The following RALB variants were observed in gnomAD, a reference collection of about 807,000 sequenced individuals.
RALB encodes the protein ras-related protein Ral-B.
RALB carries 16 observed loss-of-function variants against 21.3 expected under a neutral mutation model. That is an observed-to-expected ratio of 0.75 (90% CI 0.51 to 1.14). RALB has a LOEUF of 1.14. RALB is among the 50% of genes most tolerant of loss of function. RALB has a pLI of 0.00. For synonymous variants in RALB, 93 were observed against 96.1 expected (o/e 0.97, Z 0.19); for missense variants, 161 against 256.2 (o/e 0.63, Z 2.54).
At chr2:120,291,181 G>A (rs1470778680) in intron 4 of RALB, among the ~76,000 whole-genome samples, 2 of 152,072 alleles carry the variant, frequency 1.3e-5, no homozygotes, top group African/African-American at 4.8e-5. Context: ...TGTATGTATC[G>A]TACATAAAAA....
chr2:120,271,225 A>G (rs1174255390), intron 1 of RALB, among the ~76,000 whole-genome samples: 1 of 152,130 alleles, frequency 6.6e-6, no homozygotes, highest in East Asian at 1.9e-4. Flanking sequence ...CCTAACATGT[A>G]TGGTTTTATG....
intron 1 of RALB, among the ~76,000 whole-genome samples, chr2:120,264,075 C>T (rs1281262099): frequency 2.6e-5 from 4 of 151,928 alleles, no homozygotes; most frequent in African/African-American, 9.7e-5. Context: ...GCTCGAACTC[C>T]TGACCTCAGG....
chr2:120,248,447 C>T (rs1457196321), upstream of RALB, among the ~76,000 whole-genome samples: 1 of 152,186 alleles, frequency 6.6e-6, no homozygotes, highest in Non-Finnish European at 1.5e-5. Flanking sequence ...TCTGGTTCCT[C>T]TGGGGTTTGG....
At chr2:120,279,853 T>C (rs1689941397) in intron 2 of RALB, among the ~76,000 whole-genome samples, 1 of 152,228 alleles carries the variant, frequency 6.6e-6, no homozygotes. Context: ...ATTGTCCTGC[T>C]TCCTCTTATG....
chr2:120,259,188 C>T (rs1173570000), intron 1 of RALB, among the ~76,000 whole-genome samples: 1 of 152,232 alleles, frequency 6.6e-6, no homozygotes, highest in Non-Finnish European at 1.5e-5. Context: ...AAGAACAAAG[C>T]TTCCACAGCG....
chr2:120,246,725 G>A (rs551704053), intron 1 of RALB, among the ~76,000 whole-genome samples: 12 of 152,340 alleles, frequency 7.9e-5, no homozygotes, highest in African/African-American at 2.9e-4. Context: ...CCCCAGGGAA[G>A]GGCAGGTGTC....
chr2:120,289,468 A>C (rs1004719889), intron 3 of RALB, 112 bp from the exon 4 acceptor site: 1 of 885,416 alleles, frequency 1.1e-6, no homozygotes, highest in Admixed American at 2.7e-5. Flanking sequence ...AAATCTAGTG[A>C]TTTTTTTTTT....
At chr2:120,267,289 A>G (rs918605872) in intron 1 of RALB, among the ~76,000 whole-genome samples, 10 of 152,234 alleles carry the variant, frequency 6.6e-5, no homozygotes, top group African/African-American at 2.4e-4. Context: ...TTCCTTAGGC[A>G]TACAGGAGGG....
intron 1 of RALB, among the ~76,000 whole-genome samples, chr2:120,261,123 A>C (rs1045037660): frequency 6.6e-6 from 1 of 152,200 alleles, no homozygotes; most frequent in African/African-American, 2.4e-5. Flanking sequence ...GATAATTCCT[A>C]TAGAGGAATT....
At chr2:120,274,467 A>T (rs7557096) in intron 1 of RALB, among the ~76,000 whole-genome samples, 105,664 of 152,068 alleles carry the variant, frequency 0.69, 37,314 homozygotes, top group Middle Eastern at 0.8. Flanking sequence ...GGCCTTTCAC[A>T]AACTGATGAG....
chr2:120,267,614 A>G (rs1483718445), intron 1 of RALB, among the ~76,000 whole-genome samples: 1 of 152,162 alleles, frequency 6.6e-6, no homozygotes, highest in African/African-American at 2.4e-5. Context: ...GTAAGACTGC[A>G]GCAGGCTTAC....
rs1689087872 is a variant in RALB, at chr2:120,252,871, C to T, written c.-157C>T. On this transcript the variant is annotated 5_prime_UTR_variant, in exon 1 of 5. Coordinates refer to ENST00000272519, the MANE Select transcript of RALB (RefSeq NM_002881.3). ...GGGTGGGAAAGCGAGCCCGGCAGCTCAATGACAAATCGGTGGAGGACGGCT... is the reference window on the plus strand; with the variant it reads ...GGGTGGGAAAGCGAGCCCGGCAGCTTAATGACAAATCGGTGGAGGACGGCT... 3.0e-6 allele frequency: 3 copies of T among 985,534 alleles called. No individual in the cohort carries two copies. Among genetic ancestry groups the T allele is most frequent in the South Asian group, 4.7e-5 (1 of 21,300 alleles). 61.0% of individuals were successfully genotyped at this position (985,534 alleles called of 1,614,324 possible). A position where few individuals can be genotyped will look rare whatever the true frequency, so the allele number is the denominator to read the frequency against.
intron 1 of RALB, among the ~76,000 whole-genome samples, chr2:120,277,836 T>C (rs1257938928): frequency 4.6e-5 from 7 of 150,976 alleles, no homozygotes. Context: ...TGAATATGTG[T>C]GTTTGAATGT....
Position 120,291,502 on chromosome 2 carries a change from G to T in RALB, c.502-1639G>T, listed in dbSNP as rs58167500. Among the ~76,000 whole-genome samples, 1,122 of 152,188 alleles carry T rather than the reference G, an allele frequency of 7.4e-3. 8 individuals carry two copies. The highest frequency in any genetic ancestry group is 0.026 in the African/African-American group (1,075 of 41,492). On this transcript the variant is annotated intron_variant, in intron 4 of 4. Coordinates refer to ENST00000272519, the MANE Select transcript of RALB (RefSeq NM_002881.3). ...GTATTTCCTGGATGGGTTGTCGCGT[G>T]GGGGGTCTGTGTTGTCATCTCCCCT... is the stretch of plus-strand genomic sequence containing the variant.
chr2:120,283,952 C>G (rs1690058707), intron 2 of RALB, among the ~76,000 whole-genome samples: 2 of 152,194 alleles, frequency 1.3e-5, no homozygotes, highest in African/African-American at 4.8e-5. Context: ...GTAGGTACAG[C>G]AGGACATTCT....
At chr2:120,263,552 G>C (rs1482467192) in intron 1 of RALB, among the ~76,000 whole-genome samples, 1 of 151,680 alleles carries the variant, frequency 6.6e-6, no homozygotes, top group Non-Finnish European at 1.5e-5. Context: ...TAAGGATATA[G>C]CCCTCCTGTA....
upstream of RALB, among the ~76,000 whole-genome samples, chr2:120,251,724 C>T (rs973089292): frequency 6.6e-6 from 1 of 152,318 alleles, no homozygotes; most frequent in South Asian, 2.1e-4. Flanking sequence ...ACGATTAGCA[C>T]TCAATAAAAG....
chr2:120,269,028 G>T (rs1204198645), intron 1 of RALB, among the ~76,000 whole-genome samples: 1 of 152,064 alleles, frequency 6.6e-6, no homozygotes, highest in East Asian at 1.9e-4. Flanking sequence ...CTCCTAAATG[G>T]ATACATCTGG....
At chr2:120,293,108 C>A in intron 4 of RALB, 33 bp from the exon 5 acceptor site, 1 of 1,556,384 alleles carries the variant, frequency 6.4e-7, no homozygotes, top group South Asian at 1.2e-5. Context: ...TCTTTCTTCA[C>A]TATTCTTTTT....
Sources: gnomAD v4.1 joint callset for allele counts (sites outside exome capture counted in the v4.1 genomes callset) on GRCh38, gnomAD v4.1.1 for gene constraint, MANE v1.5 for transcripts, NCBI Gene and HGNC (gene_info 2026-07-23, HGNC 2026-07-21) for gene names.